LRRC42: variants seen among roughly 807,000 people sequenced by gnomAD.
LRRC42 encodes leucine-rich repeat-containing protein 42.
A neutral mutation model predicts 44.3 loss-of-function variants in LRRC42; 43 were observed. The observed-to-expected ratio is 0.97, with a 90% CI of 0.76 to 1.25. The LOEUF (loss-of-function observed/expected upper bound fraction) is 1.25. Ranked by LOEUF, LRRC42 falls within the 50% of genes most tolerant of loss-of-function variation. The pLI is 0.00. For missense variants in LRRC42, 540 were observed against 509.1 expected, an observed-to-expected ratio of 1.06 and a Z score of -0.58; for synonymous variants, 207 against 195.2, an observed-to-expected ratio of 1.06 and a Z score of -0.50.
rs779384689 is a variant in LRRC42, at chr1:53,962,083, GAAACT to G, written c.780_784del (p.Asn261LeufsTer35). 1 of 1,613,972 alleles carries G rather than the reference GAAACT, an allele frequency of 6.2e-7. No individual in the cohort carries two copies. Among genetic ancestry groups the G allele is most frequent in the East Asian group, 2.2e-5 (1 of 44,862 alleles). On this transcript the variant is annotated frameshift_variant, in exon 6 of 9. Transcript: ENST00000371370. LOFTEE classifies it high-confidence loss of function. The stretch of plus-strand genomic sequence containing the variant: ...GCATTGGATACCTCTTTTCTTTTAG[GAAACT>G]AAACTGCTTAGATATCTCTGGGACA...
rs1654488492 is a variant in LRRC42, at chr1:53,946,795, G to A, written c.-49+246G>A. On this transcript the variant is annotated intron_variant, in intron 1 of 8. Transcript: ENST00000371370. Reference sequence around the variant, plus strand: ...GGGGCCTGGGTGGGACAGGGAGCAGGATTAGCCTGGGTGGACTCGGGGAGA... The same window carrying A: ...GGGGCCTGGGTGGGACAGGGAGCAGAATTAGCCTGGGTGGACTCGGGGAGA... Among the ~76,000 whole-genome samples, 3 of 151,876 alleles carry A rather than the reference G, an allele frequency of 2.0e-5. No individual in the cohort carries two copies. In the South Asian group the frequency reaches 6.2e-4, roughly 32 times the overall value.
chr1:53,964,993 G>A (rs1655088551), intron 7 of LRRC42, among the ~76,000 whole-genome samples: 1 of 143,450 alleles, frequency 7.0e-6, no homozygotes, highest in South Asian at 2.1e-4. Context: ...GCCTGGAACT[G>A]TATTGTTTTT....
chr1:53,954,523 G>A (rs1241045013), intron 3 of LRRC42, among the ~76,000 whole-genome samples: 1 of 152,106 alleles, frequency 6.6e-6, no homozygotes, highest in Non-Finnish European at 1.5e-5. Context: ...TTTAAAATTA[G>A]CAATACATGC....
chr1:53,950,159 G>C (rs983789773), intron 2 of LRRC42, among the ~76,000 whole-genome samples: 4 of 152,198 alleles, frequency 2.6e-5, no homozygotes, highest in African/African-American at 4.8e-5. Context: ...ACTGGTGCAG[G>C]GGTTAGGGAA....
At chr1:53,950,106 T>C (rs1207053538) in intron 2 of LRRC42, among the ~76,000 whole-genome samples, 1 of 152,210 alleles carries the variant, frequency 6.6e-6, no homozygotes, top group Admixed American at 6.5e-5. Flanking sequence ...CTAAGTGCTA[T>C]GTAGGAGAGA....
Position 53,967,843 on chromosome 1 carries a change from G to C in LRRC42, c.1191G>C (p.Glu397Asp). 2 of 1,613,938 alleles carry C rather than the reference G, an allele frequency of 1.2e-6. No homozygotes were observed. Among genetic ancestry groups the C allele is most frequent in the Non-Finnish European group, 1.7e-6 (2 of 1,180,010 alleles). The stretch of plus-strand genomic sequence containing the variant: ...AGAAGAGCAAGAAGAGACCTTTTGA[G>C]GAGTCAGAGACAGAACAGAATAACT... The part of the protein sequence containing the change: ...ESKKSKKRPF[E>D]ESETEQNNSS... The change falls in exon 9 of 9, where the codon GAG (glutamate) becomes GAC (aspartate). Residue 397 changes from glutamate to aspartate, a missense_variant. Physicochemically the swap from Glu to Asp is conservative, Grantham distance 45 (BLOSUM62 2). Transcript: ENST00000371370.
chr1:53,946,907 A>G (rs1033467696), intron 1 of LRRC42, among the ~76,000 whole-genome samples: 1 of 142,788 alleles, frequency 7.0e-6, no homozygotes, highest in Non-Finnish European at 1.5e-5. Context: ...TAGGATAGGA[A>G]TAGAGAGGGT....
intron 3 of LRRC42, among the ~76,000 whole-genome samples, chr1:53,953,215 A>G (rs1654741965): frequency 6.6e-6 from 1 of 152,234 alleles, no homozygotes; most frequent in African/African-American, 2.4e-5. Context: ...AGTTTTTAAA[A>G]TACCATTCCA....
chr1:53,963,201 T>C (rs927107263), intron 7 of LRRC42, among the ~76,000 whole-genome samples: 1 of 152,036 alleles, frequency 6.6e-6, no homozygotes, highest in African/African-American at 2.4e-5. Flanking sequence ...TAGCGTCACC[T>C]CTCCACAGGT....
intron 3 of LRRC42, among the ~76,000 whole-genome samples, chr1:53,954,384 C>G (rs1470698237): frequency 1.3e-5 from 2 of 152,172 alleles, no homozygotes; most frequent in African/African-American, 4.8e-5. Flanking sequence ...ATGAAAAAGT[C>G]AAGCAATATT....
Position 53,952,375 on chromosome 1 carries a change from C to A in LRRC42, c.376C>A (p.Gln126Lys). Reference protein sequence around the residue: ...EKLFSAAEARQKFTEPGAGLR... With the variant: ...EKLFSAAEARKKFTEPGAGLR... The stretch of plus-strand genomic sequence containing the variant: ...GCTGTTCTCTGCTGCTGAAGCCAGA[C>A]AGAAATTCACTGAGCCAGGTGCAGG... The change falls in exon 3 of 9, where the codon CAG becomes AAG. Residue 126 changes from glutamine (Q) to lysine (K), a missense_variant. Transcript: ENST00000371370. 6.2e-7 allele frequency: 1 copy of A among 1,614,042 alleles called. No homozygotes were observed. The highest frequency in any genetic ancestry group is 8.5e-7 in the Non-Finnish European group (1 of 1,179,886).
chr1:53,949,100 CA>C (rs903164960), intron 2 of LRRC42, among the ~76,000 whole-genome samples: 2 of 151,974 alleles, frequency 1.3e-5, no homozygotes, highest in Non-Finnish European at 2.9e-5. Context: ...AACAAACAAA[CA>C]AAAAAACAAC....
At position 53,961,237 on chromosome 1, in the gene LRRC42, G is replaced by A. The variant is rs565047299; in HGVS notation, c.724+763G>A. 1.6e-4 allele frequency among the ~76,000 whole-genome samples: 25 copies of A among 152,160 alleles called. No individual in the cohort carries two copies. In the South Asian group the frequency reaches 4.6e-3, roughly 28 times the overall value. ...ATCCTGGCTAACACAGTGAAACCCC[G>A]TCTCTACTAAAAAGATACAAAAAAT... On this transcript the variant is annotated intron_variant, in intron 5 of 8. Transcript: ENST00000371370.
chr1:53,961,960 C>T (rs969795950), intron 5 of LRRC42, 74 bp from the exon 6 acceptor site: 3 of 1,145,200 alleles, frequency 2.6e-6, no homozygotes, highest in Non-Finnish European at 3.8e-6. Flanking sequence ...GGACGTTTTT[C>T]TGAGCTTATT....
rs773764211 is a variant in LRRC42, at chr1:53,966,340, A to G, written c.972A>G (p.Pro324=). Reference sequence around the variant, plus strand: ...GTGTGACTGCGGAAGCTGTGAAGCCACGGGAGACCTCGGAGCCTAGAGCAG... The same window carrying G: ...GTGTGACTGCGGAAGCTGTGAAGCCGCGGGAGACCTCGGAGCCTAGAGCAG... ...WERVTAEAVK[P]RETSEPRAAA... is the part of the protein sequence containing the mutation. The change falls in exon 8 of 9, where the codon CCA becomes CCG. Residue 324 remains proline, a synonymous_variant. Coordinates refer to ENST00000371370, the MANE Select transcript of LRRC42 (RefSeq NM_001256409.2). The G allele has an allele frequency of 5.7e-5, 92 of 1,614,016 alleles. No homozygotes were observed. In the South Asian group the frequency reaches 9.7e-4, roughly 17 times the overall value.
At chr1:53,958,970 C>T (rs1296037009) in intron 4 of LRRC42, among the ~76,000 whole-genome samples, 1 of 152,144 alleles carries the variant, frequency 6.6e-6, no homozygotes, top group Non-Finnish European at 1.5e-5. Flanking sequence ...ACTGCAACCT[C>T]CACCTCCAGG....
At chr1:53,952,851 CA>C (rs1426616326) in intron 3 of LRRC42, among the ~76,000 whole-genome samples, 1 of 152,026 alleles carries the variant, frequency 6.6e-6, no homozygotes, top group East Asian at 1.9e-4. Context: ...GTTTTCAGAC[CA>C]CTAGATACTG....
chr1:53,952,630 TC>T (rs1654725823), intron 3 of LRRC42, among the ~76,000 whole-genome samples, 158 bp downstream of exon 3: 1 of 152,214 alleles, frequency 6.6e-6, no homozygotes, highest in Non-Finnish European at 1.5e-5. Context: ...AAATCACTCT[TC>T]CTTCTCCTCA....
rs142983379 is a variant in LRRC42 at position 53,961,137 on chromosome 1, C to T, written c.724+663C>T. ...TAATAATGAATGTCCTGGCTGGGCG[C>T]GGTGGCTCACGCCTGTAATCCCAGC... On this transcript the variant is annotated intron_variant, in intron 5 of 8. Transcript: ENST00000371370. Among the ~76,000 whole-genome samples, 598 of 152,230 alleles carry T rather than the reference C, an allele frequency of 3.9e-3. 5 individuals carry two copies. The highest frequency in any genetic ancestry group is 0.013 in the African/African-American group (557 of 41,528).
Sources: allele counts gnomAD v4.1 joint callset (sites outside exome capture counted in the v4.1 genomes callset), GRCh38; gene constraint gnomAD v4.1.1; transcripts MANE v1.5; gene names NCBI Gene and HGNC (gene_info 2026-07-23, HGNC 2026-07-21).